The following CHRDL1 variants were observed in gnomAD, a reference collection of about 807,000 sequenced individuals.
The protein encoded by CHRDL1 is chordin like 1.
In CHRDL1, 19 loss-of-function variants were observed where a neutral mutation model predicts 40.9. That is an observed-to-expected ratio of 0.46 (90% CI 0.32 to 0.68). The LOEUF is 0.68. Among genes scored for constraint, CHRDL1 ranks in the 30% least tolerant of loss-of-function variants. The probability of loss-of-function intolerance (pLI) is 0.03; values close to 1 mark genes in which losing one functional copy is unlikely to be tolerated. For missense variants in CHRDL1, 329 were observed against 352.1 expected (o/e 0.93, Z 0.53); for synonymous variants, 136 against 123.4 (o/e 1.10, Z -0.68).
chrX:110,722,389 C>T (rs12687609), intron 4 of CHRDL1, among the ~76,000 whole-genome samples: 1 of 109,877 alleles, frequency 9.1e-6, no homozygotes, highest in East Asian at 2.9e-4. Context: ...AGACTGCCCA[C>T]TCCCTGACTC....
chrX:110,717,122 G>C (rs1363429552), intron 6 of CHRDL1, among the ~76,000 whole-genome samples: 3 of 111,758 alleles, frequency 2.7e-5, no homozygotes, highest in Non-Finnish European at 5.6e-5. Context: ...GTTTCTCAAA[G>C]TGACAGTCCA....
intron 2 of CHRDL1, among the ~76,000 whole-genome samples, chrX:110,765,224 G>A: frequency 9.0e-6 from 1 of 111,213 alleles, no homozygotes; most frequent in Non-Finnish European, 1.9e-5. Context: ...TGTGGCTCAG[G>A]TGGGCATCAC....
chrX:110,775,223 G>T (rs1267086717), intron 2 of CHRDL1, among the ~76,000 whole-genome samples: 1 of 111,782 alleles, frequency 8.9e-6, no homozygotes, highest in African/African-American at 3.2e-5. Context: ...GTTTCAAGAT[G>T]TCAGTAGCTG....
chrX:110,771,133 A>C (rs766263363), intron 2 of CHRDL1, among the ~76,000 whole-genome samples: 2 of 104,643 alleles, frequency 1.9e-5, no homozygotes, highest in African/African-American at 7.3e-5. Context: ...TAACAGAGCA[A>C]GACTCTGTCT....
chrX:110,752,234 A>AT (rs920327584), intron 4 of CHRDL1, among the ~76,000 whole-genome samples: 3 of 111,594 alleles, frequency 2.7e-5, no homozygotes, highest in East Asian at 5.7e-4. Context: ...CACCCAGCTA[A>AT]TTTTTTTGTA....
intron 2 of CHRDL1, among the ~76,000 whole-genome samples, chrX:110,780,095 G>A (rs887502937): frequency 6.3e-5 from 7 of 110,996 alleles, no homozygotes; most frequent in Admixed American, 5.7e-4. Context: ...GATCCCTTGG[G>A]ATTTTCTATG....
intron 10 of CHRDL1, among the ~76,000 whole-genome samples, chrX:110,679,786 T>C (rs1348114209): frequency 8.9e-6 from 1 of 111,954 alleles, no homozygotes; most frequent in Admixed American, 9.5e-5. Context: ...CCAACCTGGA[T>C]AGACTGTGTC....
chrX:110,774,934 G>A (rs754415335), intron 2 of CHRDL1, among the ~76,000 whole-genome samples: 1 of 111,868 alleles, frequency 8.9e-6, no homozygotes, highest in South Asian at 3.8e-4. Flanking sequence ...GCAGTTCAAA[G>A]TAATGCTTGC....
intron 8 of CHRDL1, among the ~76,000 whole-genome samples, chrX:110,690,015 ATATATCTG>A (rs777880321): frequency 1.7e-5 from 1 of 57,760 alleles, no homozygotes; most frequent in African/African-American, 1.6e-4. Context: ...ATATATATCT[ATATATCTG>A]TATATCTATA....
chrX:110,738,863 G>C (rs2071311373), intron 4 of CHRDL1, among the ~76,000 whole-genome samples: 2 of 111,796 alleles, frequency 1.8e-5, no homozygotes, highest in Admixed American at 9.5e-5. Flanking sequence ...TAGTTATGTA[G>C]TTCCAATTTT....
intron 4 of CHRDL1, among the ~76,000 whole-genome samples, chrX:110,755,381 C>T (rs772326512): frequency 1.1e-4 from 12 of 111,941 alleles, no homozygotes; most frequent in Non-Finnish European, 1.5e-4. Flanking sequence ...CTGATTTCCA[C>T]GGTTTAGCAG....
At chrX:110,765,569 A>T (rs1481643531) in intron 2 of CHRDL1, among the ~76,000 whole-genome samples, 1 of 111,564 alleles carries the variant, frequency 9.0e-6, no homozygotes, top group Non-Finnish European at 1.9e-5. Flanking sequence ...CCCCACATTT[A>T]TGTTTTTGTT....
chrX:110,729,907 T>G (rs2071126208), intron 4 of CHRDL1, among the ~76,000 whole-genome samples: 1 of 112,338 alleles, frequency 8.9e-6, no homozygotes, highest in Non-Finnish European at 1.9e-5. Flanking sequence ...TAAGACATAA[T>G]CTGTTCAGCA....
intron 2 of CHRDL1, among the ~76,000 whole-genome samples, chrX:110,786,835 T>A (rs1385948508): frequency 3.6e-5 from 4 of 112,264 alleles, no homozygotes; most frequent in Non-Finnish European, 7.5e-5. Context: ...TAGTATACTA[T>A]CCCTCTTAGG....
Position 110,762,716 on chromosome X carries a change from G to T in CHRDL1, c.186C>A (p.Cys62Ter). ...GTACCTCTGAGCAGATGCAGTTCAC[G>T]CAGTAAACCAACCCATAAGGTTCCA... ...PYLEPYGLVY[C>*]VNCICSENGN... The change falls in exon 3 of 12, where the codon TGC becomes TGA. Residue 62 changes from cysteine to a stop codon, truncating the protein, a stop_gained. Transcript: ENST00000372042. LOFTEE classifies it high-confidence loss of function. 1 of 1,167,781 alleles carries T rather than the reference G, an allele frequency of 8.6e-7. No individual in the cohort carries two copies. The highest frequency in any genetic ancestry group is 1.2e-6 in the Non-Finnish European group (1 of 858,531).
chrX:110,771,960 A>G (rs2089768283), intron 2 of CHRDL1, among the ~76,000 whole-genome samples: 1 of 112,052 alleles, frequency 8.9e-6, no homozygotes, highest in South Asian at 3.7e-4. Flanking sequence ...TCATATTTAT[A>G]TATTTTATAA....
intron 2 of CHRDL1, among the ~76,000 whole-genome samples, chrX:110,775,727 T>A (rs935757980): frequency 9.0e-6 from 1 of 111,471 alleles, no homozygotes; most frequent in African/African-American, 3.2e-5. Flanking sequence ...GATTTGCTAG[T>A]TTAATATTGA....
At chrX:110,715,130 A>G (rs951624683) in intron 6 of CHRDL1, among the ~76,000 whole-genome samples, 1 of 111,848 alleles carries the variant, frequency 8.9e-6, no homozygotes, top group Non-Finnish European at 1.9e-5. Context: ...TTAATGAATT[A>G]TCAAGTATAT....
At position 110,679,300 on chromosome X, in the gene CHRDL1, G is replaced by A. The variant is rs2148407193; in HGVS notation, c.1246+36C>T. Reference sequence around the variant, plus strand: ...CTATGCTAAATTGAAAACTGAATGTGTTTTTCAGGGAGCAGTCAAGAGAAG... The same window carrying A: ...CTATGCTAAATTGAAAACTGAATGTATTTTTCAGGGAGCAGTCAAGAGAAG... On this transcript the variant is annotated intron_variant, in intron 11 of 11. Transcript: ENST00000372042. 3 of 994,239 alleles carry A rather than the reference G, an allele frequency of 3.0e-6. No homozygotes were observed. In the East Asian group the frequency reaches 9.1e-5, roughly 30 times the overall value. The allele number at this position is 994,239 out of a possible 1,213,427, so 81.9% of individuals were successfully genotyped here.
Sources: gnomAD v4.1 joint callset for allele counts (sites outside exome capture counted in the v4.1 genomes callset) on GRCh38, gnomAD v4.1.1 for gene constraint, MANE v1.5 for transcripts, NCBI Gene and HGNC (gene_info 2026-07-23, HGNC 2026-07-21) for gene names.